The following TANC2 variants were observed in gnomAD, a reference collection of about 807,000 sequenced individuals.
The protein encoded by TANC2 is tetratricopeptide repeat, ankyrin repeat and coiled-coil containing 2.
Under a neutral mutation model 210.5 loss-of-function variants are expected in TANC2, and 26 were observed. That is an observed-to-expected ratio of 0.12 (90% confidence interval 0.09 to 0.17). The LOEUF (loss-of-function observed/expected upper bound fraction) is 0.17. Ranked by LOEUF, TANC2 falls within the 10% of genes least tolerant of loss-of-function variation. The pLI is 1.00. For synonymous variants in TANC2, 931 were observed against 967.1 expected (o/e 0.96, Z 0.69); for missense variants, 2,129 against 2,608.9 (o/e 0.82, Z 4.01).
rs111772183 is a variant in TANC2, at chr17:63,333,541, T to G, written c.1576-6560T>G. ...GGTTTCTTAAGATGGAATCTGTACT[T>G]GGTAAAGATGCTGTGAGCATTGTAA... is the stretch of plus-strand genomic sequence containing the variant. On this transcript the variant is annotated intron_variant, in intron 11 of 27. Transcript: ENST00000689528. 7.6e-3 allele frequency among the ~76,000 whole-genome samples: 1,162 copies of G among 152,288 alleles called. 15 individuals are homozygous for G. The highest frequency in any genetic ancestry group is 0.025 in the African/African-American group (1,058 of 41,546).
chr17:63,053,565 A>T (rs1568347245), intron 2 of TANC2, among the ~76,000 whole-genome samples: 1 of 152,064 alleles, frequency 6.6e-6, no homozygotes, highest in Non-Finnish European at 1.5e-5. Flanking sequence ...TTTGTGTCTC[A>T]TTCTTGTATA....
intron 7 of TANC2, among the ~76,000 whole-genome samples, chr17:63,203,315 A>G (rs1375826329): frequency 3.9e-5 from 6 of 152,216 alleles, no homozygotes; most frequent in African/African-American, 7.2e-5. Context: ...AGATGAGGCT[A>G]CTTACAGTCT....
intron 9 of TANC2, among the ~76,000 whole-genome samples, chr17:63,269,431 CG>C (rs762913704): frequency 5.9e-5 from 9 of 152,016 alleles, no homozygotes; most frequent in Admixed American, 2.0e-4. Flanking sequence ...AATGCACAGC[CG>C]TAATAAAGAA....
intron 8 of TANC2, among the ~76,000 whole-genome samples, chr17:63,241,929 A>C (rs1156517014): frequency 1.3e-5 from 2 of 152,138 alleles, no homozygotes; most frequent in Non-Finnish European, 2.9e-5. Flanking sequence ...TTGACCCTTA[A>C]GTTTTAAGTT....
chr17:63,194,175 G>T (rs746696635), intron 6 of TANC2, 36 bp downstream of exon 6: 1 of 1,592,602 alleles, frequency 6.3e-7, no homozygotes, highest in Non-Finnish European at 8.6e-7. Context: ...GAAACATGGT[G>T]TGAATCAGCT....
chr17:63,202,813 AT>A (rs994707975), intron 7 of TANC2, among the ~76,000 whole-genome samples: 7 of 152,068 alleles, frequency 4.6e-5, no homozygotes, highest in Non-Finnish European at 8.8e-5. Context: ...TATTATATTT[AT>A]ATAAGTCCTT....
intron 7 of TANC2, among the ~76,000 whole-genome samples, chr17:63,229,576 G>A: frequency 6.9e-6 from 1 of 144,126 alleles, no homozygotes. Context: ...TTTTTTGGTT[G>A]GTAGGCTATT....
At chr17:63,407,875 G>C (rs1250992177) in intron 21 of TANC2, among the ~76,000 whole-genome samples, 1 of 152,136 alleles carries the variant, frequency 6.6e-6, no homozygotes. Context: ...AGGCCAAAGA[G>C]GAATGACAGG....
At chr17:63,102,688 A>G (rs2037674582) in intron 4 of TANC2, among the ~76,000 whole-genome samples, 1 of 151,322 alleles carries the variant, frequency 6.6e-6, no homozygotes, top group African/African-American at 2.4e-5. Flanking sequence ...ACGATTTTAA[A>G]CAGAGGAGGA....
chr17:63,314,957 C>T (rs1338018165), intron 10 of TANC2, among the ~76,000 whole-genome samples: 3 of 152,194 alleles, frequency 2.0e-5, no homozygotes, highest in Non-Finnish European at 2.9e-5. Flanking sequence ...ACGACCGCAG[C>T]AATTGCCCGT....
intron 5 of TANC2, among the ~76,000 whole-genome samples, chr17:63,158,049 TG>T (rs1405849046): frequency 6.6e-6 from 1 of 152,238 alleles, no homozygotes; most frequent in African/African-American, 2.4e-5. Context: ...CATCTTTACA[TG>T]CAGTCTATAT....
intron 4 of TANC2, among the ~76,000 whole-genome samples, chr17:63,132,911 T>C (rs954821436): frequency 5.9e-5 from 9 of 152,186 alleles, no homozygotes; most frequent in Admixed American, 5.9e-4. Flanking sequence ...AATTTATCCT[T>C]ACAGAATTGT....
chr17:63,166,341 T>C (rs1598508366), intron 5 of TANC2, among the ~76,000 whole-genome samples: 1 of 152,006 alleles, frequency 6.6e-6, no homozygotes, highest in East Asian at 1.9e-4. Context: ...TAGAGATTGT[T>C]TGGAGGACTT....
chr17:63,135,158 G>A (rs573276002), intron 4 of TANC2, among the ~76,000 whole-genome samples: 2 of 152,190 alleles, frequency 1.3e-5, no homozygotes, highest in Admixed American at 1.3e-4. Context: ...CAAGACTGCA[G>A]TGAGCCATGC....
chr17:63,004,967 G>A (rs749495718), intron 1 of TANC2: 5 of 193,096 alleles, frequency 2.6e-5, no homozygotes, highest in Non-Finnish European at 5.3e-5. Context: ...GGGCATGGTG[G>A]CATCAGTGGT....
intron 3 of TANC2, among the ~76,000 whole-genome samples, chr17:63,079,609 A>C (rs1037053604): frequency 2.6e-5 from 4 of 152,356 alleles, no homozygotes; most frequent in Non-Finnish European, 4.4e-5. Context: ...TAGTTCATTC[A>C]GAACAAACGC....
chr17:63,114,329 G>A (rs2038170334), intron 4 of TANC2, among the ~76,000 whole-genome samples: 1 of 152,130 alleles, frequency 6.6e-6, no homozygotes, highest in African/African-American at 2.4e-5. Context: ...CTGCTTCTCA[G>A]TATATCCAAC....
chr17:63,124,714 C>T (rs1223184399), intron 4 of TANC2, among the ~76,000 whole-genome samples: 8 of 152,288 alleles, frequency 5.3e-5, no homozygotes, highest in Non-Finnish European at 4.4e-5. Flanking sequence ...AGGAACTGGG[C>T]GGCACAGCAG....
intron 1 of TANC2, among the ~76,000 whole-genome samples, chr17:62,971,293 T>C (rs2031679212): frequency 6.6e-6 from 1 of 152,142 alleles, no homozygotes; most frequent in African/African-American, 2.4e-5. Context: ...AGAGCTGTGT[T>C]TTCCCACTCA....
Sources: gnomAD v4.1 joint callset for allele counts (sites outside exome capture counted in the v4.1 genomes callset) on GRCh38, gnomAD v4.1.1 for gene constraint, MANE v1.5 for transcripts, NCBI Gene and HGNC (gene_info 2026-07-23, HGNC 2026-07-21) for gene names.